The following C14orf39 variants were observed in gnomAD, a reference collection of about 807,000 sequenced individuals.
The protein encoded by C14orf39 is chromosome 14 open reading frame 39.
In C14orf39, 66 loss-of-function variants were observed where a neutral mutation model predicts 85.6. The ratio of observed to expected loss-of-function variants is 0.77; its 90% CI spans 0.63 to 0.95. The LOEUF is 0.95. Among genes scored for constraint, C14orf39 ranks in the 40% least tolerant of loss-of-function variants. The probability of loss-of-function intolerance (pLI) is 0.00; values close to 1 mark genes in which losing one functional copy is unlikely to be tolerated. For synonymous variants in C14orf39, 242 were observed against 214.0 expected (o/e 1.13, Z -1.14); for missense variants, 735 against 663.9 (o/e 1.11, Z -1.18).
chr14:60,481,908 G>A (rs529922827), intron 4 of C14orf39, among the ~76,000 whole-genome samples: 49 of 151,752 alleles, frequency 3.2e-4, no homozygotes, highest in Non-Finnish European at 5.6e-4. Flanking sequence ...ATCATTATAG[G>A]GTATTTTTCT....
At chr14:60,513,162 AT>A (rs1275208865) in intron 1 of C14orf39, among the ~76,000 whole-genome samples, 1 of 152,132 alleles carries the variant, frequency 6.6e-6, no homozygotes, top group Non-Finnish European at 1.5e-5. Context: ...TATCCAGAGA[AT>A]TCTTGAAAAT....
At chr14:60,488,419 T>G (rs971922502), upstream of C14orf39, among the ~76,000 whole-genome samples, 1 of 152,174 alleles carries the variant, frequency 6.6e-6, no homozygotes, top group Non-Finnish European at 1.5e-5. Context: ...TCTCTCCCTA[T>G]TCCCTCTCAC....
At chr14:60,478,194 A>AAAAAAAAAAAAT in intron 5 of C14orf39, 106 bp downstream of exon 5, 1 of 237,818 alleles carries the variant, frequency 4.2e-6, no homozygotes, top group Non-Finnish European at 8.9e-6. Context: ...AAAAAAAAGA[A>AAAAAAAAAAAAT]ACTCCTTGAG....
At chr14:60,509,505 C>T in intron 1 of C14orf39, 3 of 1,604,484 alleles carry the variant, frequency 1.9e-6, no homozygotes, top group African/African-American at 1.3e-5. Flanking sequence ...TTCCTCTGGT[C>T]GCTGCCCGTG....
intron 16 of C14orf39, 34 bp downstream of exon 16, chr14:60,454,967 T>G: frequency 6.9e-7 from 1 of 1,451,406 alleles, no homozygotes; most frequent in Non-Finnish European, 9.1e-7. Context: ...ACAGCAGAAT[T>G]TTTAGAAATA....
At chr14:60,485,262 G>T (rs1566683523) in intron 1 of C14orf39, among the ~76,000 whole-genome samples, 176 bp from the exon 2 acceptor site, 1 of 152,186 alleles carries the variant, frequency 6.6e-6, no homozygotes, top group Non-Finnish European at 1.5e-5. Context: ...CCCTTCCCGG[G>T]CCAAGCCCAA....
Position 60,442,096 on chromosome 14 carries a change from A to G in C14orf39, c.1539T>C (p.Pro513=), listed in dbSNP as rs531912854. 2 of 1,610,504 alleles carry G rather than the reference A, an allele frequency of 1.2e-6. No homozygotes were observed. The highest frequency in any genetic ancestry group is 2.7e-5 in the African/African-American group (2 of 74,968). Reference sequence around the variant, plus strand: ...TACCAATCTCTTGCTCTGATGACAGAGGATTTAGATTTCTTGCAGAATAAT... The same window carrying G: ...TACCAATCTCTTGCTCTGATGACAGGGGATTTAGATTTCTTGCAGAATAAT... ...NEHYSARNLN[P]LSSEQEIGNL... Residue 513 remains proline (P), a synonymous_variant, in exon 17 of 18, where the codon CCT becomes CCC. Coordinates refer to ENST00000321731, the MANE Select transcript of C14orf39 (RefSeq NM_174978.3).
intron 1 of C14orf39, chr14:60,509,704 G>T: frequency 6.2e-7 from 1 of 1,614,130 alleles, no homozygotes; most frequent in Non-Finnish European, 8.5e-7. Context: ...CTGAGAAGCT[G>T]CGTGGAAGAC....
At chr14:60,478,842 A>T (rs1892514940) in intron 4 of C14orf39, among the ~76,000 whole-genome samples, 1 of 152,178 alleles carries the variant, frequency 6.6e-6, no homozygotes, top group South Asian at 2.1e-4. Flanking sequence ...AACAGGTGTC[A>T]CATCATCCTG....
chr14:60,485,041 A>T lies in C14orf39; in HGVS notation c.38T>A (p.Leu13Ter). The T allele has an allele frequency of 6.2e-7, 1 of 1,609,672 alleles. No individual in the cohort carries two copies. Among genetic ancestry groups the T allele is most frequent in the East Asian group, 2.2e-5 (1 of 44,846 alleles). Reference sequence around the variant, plus strand: ...CACTTTATACCTACCAAATTCTAGCAAAAGTCTGTCCAAACTGACAAACAG... The same window carrying T: ...CACTTTATACCTACCAAATTCTAGCTAAAGTCTGTCCAAACTGACAAACAG... ...DSLFVSLDRL[L>*]LEFVFQYEQD... The change falls in exon 2 of 18, where the codon TTG becomes TAG. Residue 13 changes from leucine to a stop codon, truncating the protein, a stop_gained. Transcript: ENST00000321731. LOFTEE classifies it high-confidence loss of function.
intron 1 of C14orf39, among the ~76,000 whole-genome samples, chr14:60,514,781 C>A (rs1040951514): frequency 5.3e-5 from 8 of 152,162 alleles, no homozygotes; most frequent in Non-Finnish European, 1.0e-4. Context: ...GTGAATGGGG[C>A]GGGAGGAGAG....
At chr14:60,462,333 G>A (rs935903432) in intron 11 of C14orf39, among the ~76,000 whole-genome samples, 24 of 152,110 alleles carry the variant, frequency 1.6e-4, no homozygotes, top group African/African-American at 5.6e-4. Flanking sequence ...AGGCTACAGT[G>A]AGCCATGATC....
chr14:60,505,673 A>G (rs1893193545), intron 1 of C14orf39, among the ~76,000 whole-genome samples: 1 of 152,232 alleles, frequency 6.6e-6, no homozygotes, highest in Non-Finnish European at 1.5e-5. Flanking sequence ...GGATTCAATT[A>G]CCGCATTCTT....
exon 2 of C14orf39, chr14:60,499,312 C>T (rs917982286): frequency 1.1e-4 from 16 of 151,890 alleles, no homozygotes; most frequent in Non-Finnish European, 2.2e-4. Flanking sequence ...TTAAAATGTA[C>T]TTCAACTGCA....
intron 17 of C14orf39, among the ~76,000 whole-genome samples, chr14:60,437,916 A>G (rs184834647): frequency 8.0e-4 from 122 of 151,872 alleles, no homozygotes; most frequent in African/African-American, 2.8e-3. Context: ...AAGGAAAAAT[A>G]CTGTTTTTCA....
At chr14:60,464,279 GA>G (rs1891675823) in intron 11 of C14orf39, among the ~76,000 whole-genome samples, 2 of 152,260 alleles carry the variant, frequency 1.3e-5, no homozygotes, top group South Asian at 4.1e-4. Context: ...GCATTGTTGA[GA>G]TGATGCTATC....
intron 1 of C14orf39, among the ~76,000 whole-genome samples, chr14:60,502,244 G>A (rs567048786): frequency 6.6e-6 from 1 of 152,292 alleles, no homozygotes; most frequent in South Asian, 2.1e-4. Flanking sequence ...TTAGTCTAGT[G>A]AGGAGGTCCT....
intron 8 of C14orf39, among the ~76,000 whole-genome samples, chr14:60,468,906 T>C (rs546905210): frequency 1.3e-5 from 2 of 151,716 alleles, no homozygotes; most frequent in South Asian, 4.1e-4. Flanking sequence ...TACCTCATAC[T>C]TAATGAAAGA....
intron 16 of C14orf39, among the ~76,000 whole-genome samples, chr14:60,445,614 G>C (rs1890729712): frequency 6.6e-6 from 1 of 152,038 alleles, no homozygotes; most frequent in African/African-American, 2.4e-5. Flanking sequence ...ATAATAATGG[G>C]AGACGTTAAC....
Sources: allele counts gnomAD v4.1 joint callset (sites outside exome capture counted in the v4.1 genomes callset), GRCh38; gene constraint gnomAD v4.1.1; transcripts MANE v1.5; gene names NCBI Gene and HGNC (gene_info 2026-07-23, HGNC 2026-07-21).